Variants in AAK1 observed in about 807,000 individuals in gnomAD.
The protein encoded by AAK1 is AP2-associated protein kinase 1.
A neutral mutation model predicts 116.0 loss-of-function variants in AAK1; 37 were observed. That is an observed-to-expected ratio of 0.32 (90% CI 0.25 to 0.42). The LOEUF is 0.42. AAK1 is among the 10% of genes least tolerant of loss of function. The pLI, the probability that AAK1 is intolerant of heterozygous loss-of-function variation, is 1.00. For missense variants in AAK1, 919 were observed against 1,170.6 expected (o/e 0.79, Z 3.14); for synonymous variants, 458 against 439.9 (o/e 1.04, Z -0.51).
intron 2 of AAK1, among the ~76,000 whole-genome samples, chr2:69,610,008 AC>A (rs1405139213): frequency 6.9e-6 from 1 of 144,482 alleles, no homozygotes; most frequent in East Asian, 2.1e-4. Context: ...CCGAGATCAC[AC>A]CACTGCACTC....
Position 69,463,015 on chromosome 2 carries a change from A to C in AAK1, c.*12854T>G, listed in dbSNP as rs1674381304. 1 of 152,204 alleles carries C rather than the reference A, an allele frequency of 6.6e-6. No individual in the cohort carries two copies. The allele number at this position is 152,204 out of a possible 1,614,324, so 9.4% of individuals were successfully genotyped here. A position where few individuals can be genotyped will look rare whatever the true frequency, so the allele number is the denominator to read the frequency against. On this transcript the variant is annotated 3_prime_UTR_variant, in exon 22 of 22. Coordinates refer to ENST00000409085, the MANE Select transcript of AAK1 (RefSeq NM_014911.5). The stretch of plus-strand genomic sequence containing the variant: ...GCCAATTATTTATCTTTTGATCAGG[A>C]CATTTGAAATAGGCAGAGACCACCA...
At chr2:69,590,701 C>A (rs1672992152) in intron 2 of AAK1, among the ~76,000 whole-genome samples, 2 of 152,228 alleles carry the variant, frequency 1.3e-5, no homozygotes, top group Admixed American at 6.5e-5. Context: ...CTATCTTTGG[C>A]TTAACCATCT....
Position 69,519,231 on chromosome 2 carries a change from T to C in AAK1, c.1220A>G (p.Asn407Ser), listed in dbSNP as rs781603039. ...AACACTGGCTAAAAGGCCAGGCTGATTGCTGGATCCTGCAATGAGAATAAA... is the reference window on the plus strand; with the variant it reads ...AACACTGGCTAAAAGGCCAGGCTGACTGCTGGATCCTGCAATGAGAATAAA... ...QPPPQAAGSS[N>S]QPGLLASVPQ... is the part of the protein sequence containing the mutation. Residue 407 changes from asparagine (N) to serine (S), a missense_variant, in exon 12 of 22, where the codon AAT (asparagine) becomes AGT (serine). By Grantham distance (46) the Asn-to-Ser change is conservative (BLOSUM62 1). Transcript: ENST00000409085. 3 of 1,578,074 alleles carry C rather than the reference T, an allele frequency of 1.9e-6. No individual in the cohort carries two copies. The highest frequency in any genetic ancestry group is 3.7e-5 in the Admixed American group (2 of 53,992).
At position 69,643,085 on chromosome 2, in the gene AAK1, A is replaced by ATTT. The variant is rs4067981; in HGVS notation, c.-48_-46dup. The stretch of plus-strand genomic sequence containing the variant: ...AAAGCAAAATACCGATGGTTTCTAG[A>ATTT]TTTTTTTTTTTTTTTTTTTTTTTTA... On this transcript the variant is annotated 5_prime_UTR_variant, in exon 2 of 22. Transcript: ENST00000409085. 3.6e-3 allele frequency: 4,572 copies of ATTT among 1,261,114 alleles called. 77 individuals carry two copies. The African/African-American group carries it at 0.054, about 15-fold the overall frequency. The allele number at this position is 1,261,114 out of a possible 1,614,324, so 78.1% of individuals were successfully genotyped here. A position where few individuals can be genotyped will look rare whatever the true frequency, so the allele number is the denominator to read the frequency against.
At chr2:69,589,489 A>G (rs1241641690) in intron 2 of AAK1, among the ~76,000 whole-genome samples, 1 of 152,106 alleles carries the variant, frequency 6.6e-6, no homozygotes, top group East Asian at 1.9e-4. Context: ...CAGGCAGATC[A>G]CCAGAGGTCA....
intron 2 of AAK1, among the ~76,000 whole-genome samples, chr2:69,592,967 G>A (rs952557843): frequency 3.3e-5 from 5 of 152,154 alleles, no homozygotes; most frequent in East Asian, 1.9e-4. Context: ...AACTTCATGC[G>A]TCACATTCCC....
rs1261362399 is a variant in AAK1 at position 69,461,121 on chromosome 2, T to A, written c.*14748A>T. On this transcript the variant is annotated 3_prime_UTR_variant, in exon 22 of 22. Transcript: ENST00000409085. ...TGGTCCCATAAGATTATACCATATT[T>A]TTACTGTACCTTTTCTATGTCTAAA... 1 of 152,260 alleles carries A rather than the reference T, an allele frequency of 6.6e-6. No individual in the cohort carries two copies. Among genetic ancestry groups the A allele is most frequent in the Non-Finnish European group, 1.5e-5 (1 of 68,066 alleles). 9.4% of individuals were successfully genotyped at this position (152,260 alleles called of 1,614,324 possible).
intron 2 of AAK1, among the ~76,000 whole-genome samples, chr2:69,589,680 G>C (rs553899688): frequency 7.1e-6 from 1 of 140,898 alleles, no homozygotes; most frequent in South Asian, 2.2e-4. Context: ...TTGTACTCCA[G>C]CCTGGGCAAC....
chr2:69,632,972 G>A (rs58241200), intron 2 of AAK1, among the ~76,000 whole-genome samples: 3,303 of 152,002 alleles, frequency 0.022, 112 homozygotes, highest in African/African-American at 0.074. Context: ...GGCAGAGCTC[G>A]CAGTGAGCCA....
intron 2 of AAK1, among the ~76,000 whole-genome samples, chr2:69,589,155 G>A (rs145582270): frequency 1.9e-4 from 29 of 152,342 alleles, no homozygotes; most frequent in African/African-American, 7.0e-4. Context: ...GCCGACTGGA[G>A]AGGAGTTGCA....
At chr2:69,566,267 C>T (rs1401035488) in intron 2 of AAK1, among the ~76,000 whole-genome samples, 1 of 152,096 alleles carries the variant, frequency 6.6e-6, no homozygotes, top group Non-Finnish European at 1.5e-5. Context: ...CACAGCAAAG[C>T]TTTTTCCAGG....
chr2:69,556,441 A>T (rs1671389984), intron 3 of AAK1, among the ~76,000 whole-genome samples: 1 of 152,172 alleles, frequency 6.6e-6, no homozygotes, highest in Non-Finnish European at 1.5e-5. Context: ...TTGTATAAGG[A>T]TATGTTCACA....
chr2:69,608,872 T>C (rs1673932541), intron 2 of AAK1, among the ~76,000 whole-genome samples: 1 of 152,148 alleles, frequency 6.6e-6, no homozygotes, highest in South Asian at 2.1e-4. Context: ...TCATTTACAA[T>C]GCATCAAAAA....
chr2:69,599,330 G>A (rs1673449898), intron 2 of AAK1, among the ~76,000 whole-genome samples: 1 of 145,160 alleles, frequency 6.9e-6, no homozygotes, highest in African/African-American at 2.6e-5. Context: ...ACTTAATTTT[G>A]TGTATAACTT....
intron 17 of AAK1, among the ~76,000 whole-genome samples, chr2:69,492,412 C>T (rs1291048272): frequency 6.6e-6 from 1 of 151,834 alleles, no homozygotes; most frequent in South Asian, 2.1e-4. Context: ...CAGGGTCCCA[C>T]CATGTTGGCC....
intron 17 of AAK1, among the ~76,000 whole-genome samples, chr2:69,491,808 G>T (rs2104921351): frequency 6.6e-6 from 1 of 152,242 alleles, no homozygotes; most frequent in Non-Finnish European, 1.5e-5. Context: ...CAATTTTAAG[G>T]ATAAGAACAC....
chr2:69,559,610 T>A (rs1671545818), intron 2 of AAK1, among the ~76,000 whole-genome samples: 2 of 152,228 alleles, frequency 1.3e-5, no homozygotes, highest in Admixed American at 6.5e-5. Context: ...AGAGTGGCAC[T>A]CCTAGAGAGT....
At chr2:69,542,760 T>C (rs1670773187) in intron 4 of AAK1, 95 bp from the exon 5 acceptor site, 4 of 1,402,908 alleles carry the variant, frequency 2.9e-6, no homozygotes, top group South Asian at 1.4e-5. Flanking sequence ...AGAAGCAGTC[T>C]GGACTAAGGT....
In AAK1 at chr2:69,519,170, A is replaced by G. The variant is rs1669631540; in HGVS notation, c.1281T>C (p.Pro427=). ...GCTGCTTGGCCTGAGTTTGCGGCAG[A>G]GGCTGGCTGGGTGGGGCTTGGGGTT... ...QPKPQAPPSQ[P]LPQTQAKQPQ... Residue 427 remains proline, a synonymous_variant, in exon 12 of 22, where the codon CCT becomes CCC. Transcript: ENST00000409085. The G allele has an allele frequency of 6.3e-7, 1 of 1,586,676 alleles. No individual in the cohort carries two copies. Among genetic ancestry groups the G allele is most frequent in the South Asian group, 1.2e-5 (1 of 86,742 alleles).
Sources: gnomAD v4.1 joint callset for allele counts (sites outside exome capture counted in the v4.1 genomes callset) on GRCh38, gnomAD v4.1.1 for gene constraint, MANE v1.5 for transcripts, NCBI Gene and HGNC (gene_info 2026-07-23, HGNC 2026-07-21) for gene names.